The following SGCZ variants were observed in gnomAD, a reference collection of about 807,000 sequenced individuals.
The protein encoded by SGCZ is zeta-sarcoglycan.
Under a neutral mutation model 41.3 loss-of-function variants are expected in SGCZ, and 40 were observed. That is an observed-to-expected ratio of 0.97 (90% CI 0.75 to 1.26). The LOEUF is 1.26. SGCZ is among the 50% of genes most tolerant of loss of function. The pLI is 0.00. For synonymous variants in SGCZ, 206 were observed against 137.5 expected (o/e 1.50, Z -3.49); for missense variants, 552 against 369.8 (o/e 1.49, Z -4.04).
At chr8:14,659,241 G>A (rs2053491) in intron 1 of SGCZ, among the ~76,000 whole-genome samples, 88,836 of 151,930 alleles carry the variant, frequency 0.58, 28,265 homozygotes, top group African/African-American at 0.83. Context: ...AAGATTTTGA[G>A]TGTCATCACC....
intron 1 of SGCZ, among the ~76,000 whole-genome samples, chr8:14,870,387 C>A (rs995946413): frequency 6.6e-6 from 1 of 152,082 alleles, no homozygotes; most frequent in Non-Finnish European, 1.5e-5. Flanking sequence ...TAGCCATATG[C>A]AGAAAACTAA....
At chr8:14,467,284 G>C (rs1801077881) in intron 2 of SGCZ, among the ~76,000 whole-genome samples, 2 of 151,898 alleles carry the variant, frequency 1.3e-5, no homozygotes. Context: ...ATAAGTGGTG[G>C]GGCACTGGCC....
intron 2 of SGCZ, among the ~76,000 whole-genome samples, chr8:14,448,774 C>T (rs1170815604): frequency 6.6e-6 from 1 of 152,122 alleles, no homozygotes; most frequent in African/African-American, 2.4e-5. Flanking sequence ...CCACACTCTC[C>T]TCAGTTCAAC....
chr8:14,327,493 G>T (rs1467355296), intron 2 of SGCZ, among the ~76,000 whole-genome samples: 2 of 152,096 alleles, frequency 1.3e-5, no homozygotes, highest in Non-Finnish European at 2.9e-5. Context: ...TAATTTCACT[G>T]GGAGACTATT....
intron 3 of SGCZ, among the ~76,000 whole-genome samples, chr8:14,301,020 C>T (rs1801166645): frequency 6.6e-6 from 1 of 151,628 alleles, no homozygotes; most frequent in South Asian, 2.1e-4. Flanking sequence ...GATTCGACAC[C>T]CCCACTTATG....
At chr8:14,709,049 T>G (rs989617620) in intron 1 of SGCZ, among the ~76,000 whole-genome samples, 3 of 152,138 alleles carry the variant, frequency 2.0e-5, no homozygotes, top group African/African-American at 7.2e-5. Context: ...GGCCAAATAT[T>G]TCAACGAAAT....
chr8:14,963,514 TC>T (rs1427631300), intron 1 of SGCZ, among the ~76,000 whole-genome samples: 1 of 151,942 alleles, frequency 6.6e-6, no homozygotes, highest in Non-Finnish European at 1.5e-5. Flanking sequence ...CATTGTTCTT[TC>T]TTTTGTATTT....
At chr8:14,674,768 G>T (rs1808215967) in intron 1 of SGCZ, among the ~76,000 whole-genome samples, 1 of 151,228 alleles carries the variant, frequency 6.6e-6, no homozygotes, top group African/African-American at 2.4e-5. Context: ...TTAAAAGTGT[G>T]TAGCCCCTCC....
chr8:15,015,472 G>A (rs956483388), intron 1 of SGCZ, among the ~76,000 whole-genome samples: 6 of 151,960 alleles, frequency 3.9e-5, no homozygotes, highest in African/African-American at 1.5e-4. Flanking sequence ...GGCCAAGGCG[G>A]GTGGATCACG....
intron 2 of SGCZ, among the ~76,000 whole-genome samples, chr8:14,376,565 G>A (rs1804138798): frequency 6.6e-6 from 1 of 151,932 alleles, no homozygotes; most frequent in Non-Finnish European, 1.5e-5. Context: ...AGACCCAGAT[G>A]GTTTTTCAAA....
intron 2 of SGCZ, among the ~76,000 whole-genome samples, chr8:14,524,941 C>A (rs1363938443): frequency 6.6e-6 from 1 of 152,072 alleles, no homozygotes; most frequent in Non-Finnish European, 1.5e-5. Flanking sequence ...AAGCTTCCTT[C>A]TCAGAGAGTT....
At chr8:14,414,521 C>A (rs925938550) in intron 2 of SGCZ, among the ~76,000 whole-genome samples, 1 of 151,776 alleles carries the variant, frequency 6.6e-6, no homozygotes, top group Non-Finnish European at 1.5e-5. Context: ...AATTAAAAGA[C>A]CAACATTCAA....
At chr8:15,201,412 A>G (rs1800885442) in intron 1 of SGCZ, among the ~76,000 whole-genome samples, 1 of 152,206 alleles carries the variant, frequency 6.6e-6, no homozygotes, top group African/African-American at 2.4e-5. Context: ...AATTATACAT[A>G]ATACTTGCAA....
At chr8:15,212,888 T>C (rs563826420) in intron 1 of SGCZ, among the ~76,000 whole-genome samples, 1 of 152,182 alleles carries the variant, frequency 6.6e-6, no homozygotes, top group Non-Finnish European at 1.5e-5. Context: ...ACCTTCTATC[T>C]TTGGGGTAAT....
At chr8:15,104,164 G>C (rs147937151) in intron 1 of SGCZ, among the ~76,000 whole-genome samples, 1 of 152,132 alleles carries the variant, frequency 6.6e-6, no homozygotes, top group African/African-American at 2.4e-5. Flanking sequence ...CTTATCAAAT[G>C]GTTCTGGTTT....
chr8:14,249,743 T>G (rs1799223333), intron 3 of SGCZ, among the ~76,000 whole-genome samples: 1 of 151,910 alleles, frequency 6.6e-6, no homozygotes, highest in Admixed American at 6.6e-5. Flanking sequence ...AAATGTGGGG[T>G]GGGGGGAATA....
At position 15,007,567 on chromosome 8, in the gene SGCZ, A is replaced by G. The variant is rs369562868; in HGVS notation, c.39+230018T>C. Among the ~76,000 whole-genome samples, 8 of 152,346 alleles carry G rather than the reference A, an allele frequency of 5.3e-5. No homozygotes were observed. In the South Asian group the frequency reaches 6.2e-4, roughly 12 times the overall value. On this transcript the variant is annotated intron_variant, in intron 1 of 7. Transcript: ENST00000382080. ...ACTCAAGGCATATCTGTGTTTCTCA[A>G]TCGTCTCATCCGTAAAATGGAGATT...
intron 3 of SGCZ, among the ~76,000 whole-genome samples, chr8:14,292,638 T>A (rs1342425969): frequency 6.6e-6 from 1 of 152,042 alleles, no homozygotes; most frequent in Admixed American, 6.6e-5. Context: ...ATGTAGCGCA[T>A]GTTGCTGGAG....
intron 1 of SGCZ, among the ~76,000 whole-genome samples, chr8:14,688,632 G>T (rs10097084): frequency 2.0e-5 from 3 of 152,030 alleles, no homozygotes; most frequent in African/African-American, 7.2e-5. Flanking sequence ...GTAGCGTGAC[G>T]CCTCCAGCAT....
Sources: gnomAD v4.1 joint callset for allele counts (sites outside exome capture counted in the v4.1 genomes callset) on GRCh38, gnomAD v4.1.1 for gene constraint, MANE v1.5 for transcripts, NCBI Gene and HGNC (gene_info 2026-07-23, HGNC 2026-07-21) for gene names.